Variants in CCDC137 observed in about 807,000 individuals in gnomAD.
CCDC137 encodes the protein coiled-coil domain-containing protein 137.
CCDC137 carries 24 observed loss-of-function variants against 30.4 expected under a neutral mutation model. The observed-to-expected ratio is 0.79, with a 90% CI of 0.57 to 1.11. The LOEUF is 1.11. CCDC137 is among the 50% of genes least tolerant of loss of function. The pLI is 0.00. For synonymous variants in CCDC137, 182 were observed against 155.7 expected (o/e 1.17, Z -1.26); for missense variants, 417 against 380.4 (o/e 1.10, Z -0.80).
Position 81,671,726 on chromosome 17 carries a change from A to C in CCDC137, c.498-18A>C. On this transcript the variant is annotated intron_variant, in intron 3 of 5. Coordinates refer to ENST00000329214, the MANE Select transcript of CCDC137 (RefSeq NM_199287.3). ...AAGAGAATTTAGGAATCTGAGTGAC[A>C]TGTGCTTTCTTCCCCAGGTTCCAGA... 6.2e-7 allele frequency: 1 copy of C among 1,611,886 alleles called. No individual in the cohort carries two copies. The highest frequency in any genetic ancestry group is 8.5e-7 in the Non-Finnish European group (1 of 1,179,166).
intron 5 of CCDC137, 39 bp downstream of exon 5, chr17:81,672,194 G>C: frequency 1.3e-6 from 2 of 1,594,092 alleles, no homozygotes; most frequent in Non-Finnish European, 1.7e-6. Context: ...TTGTCCCCCA[G>C]TGCTGCCAGG....
intron 1 of CCDC137, 185 bp downstream of exon 1, chr17:81,667,085 G>A: frequency 1.7e-6 from 1 of 577,446 alleles, no homozygotes; most frequent in Non-Finnish European, 2.6e-6. Context: ...GGAGGCGCGA[G>A]CGAGTCCTTG....
intron 1 of CCDC137, 98 bp from the exon 2 acceptor site, chr17:81,667,631 C>T (rs1020439369): frequency 2.0e-5 from 29 of 1,442,674 alleles, no homozygotes; most frequent in Admixed American, 5.8e-5. Context: ...CCGGCCAGCC[C>T]GTGTAGATTC....
In CCDC137 at chr17:81,672,788, T is replaced by C. The variant is rs2036737908; in HGVS notation, c.*84T>C. 3 of 1,315,038 alleles carry C rather than the reference T, an allele frequency of 2.3e-6. No individual in the cohort carries two copies. The highest frequency in any genetic ancestry group is 3.1e-6 in the Non-Finnish European group (3 of 971,286). The allele number at this position is 1,315,038 out of a possible 1,614,324, so 81.5% of individuals were successfully genotyped here. ...ACCTGGGTAGGAGAGAGGCAGGCCA[T>C]GCCAGCAGTGTGGGGTGAGGCCTCC... On this transcript the variant is annotated 3_prime_UTR_variant, in exon 6 of 6. Coordinates refer to ENST00000329214, the MANE Select transcript of CCDC137 (RefSeq NM_199287.3).
Position 81,672,107 on chromosome 17 carries a change from G to T in CCDC137, c.612G>T (p.Gln204His), listed in dbSNP as rs2036725971. 6.2e-7 allele frequency: 1 copy of T among 1,614,114 alleles called. No individual in the cohort carries two copies. The highest frequency in any genetic ancestry group is 2.2e-5 in the East Asian group (1 of 44,878). The change falls in exon 5 of 6, where the codon CAG becomes CAT. Residue 204 changes from glutamine to histidine, a missense_variant. Transcript: ENST00000329214. ...TGAAGTTTGGTGAGGTTGTCCTGCA[G>T]CCCCCAGAGCTGACTGCCAGGCCCC... ...DTVKFGEVVL[Q>H]PPELTARPQR...
chr17:81,671,321 C>G (rs1294739241), intron 3 of CCDC137, among the ~76,000 whole-genome samples: 2 of 152,130 alleles, frequency 1.3e-5, no homozygotes, highest in African/African-American at 4.8e-5. Flanking sequence ...GTGAAGCTTC[C>G]AGATTCACAT....
At position 81,673,523 on chromosome 17, in the gene CCDC137, G is replaced by C. The variant is rs2036747841; in HGVS notation, c.*819G>C. ...GTCTTGGGCTCAAGGTCACAGAGTG[G>C]GGCCCAGGGGGAGTTCCTGCTGAGG... On this transcript the variant is annotated 3_prime_UTR_variant, in exon 6 of 6. Transcript: ENST00000329214. 6.6e-6 allele frequency: 1 copy of C among 152,294 alleles called. No homozygotes were observed. The highest frequency in any genetic ancestry group is 6.5e-5 in the Admixed American group (1 of 15,290). The allele number at this position is 152,294 out of a possible 1,614,324, so 9.4% of individuals were successfully genotyped here. A position where few individuals can be genotyped will look rare whatever the true frequency, so the allele number is the denominator to read the frequency against.
At chr17:81,667,291 C>T (rs964559239) in intron 1 of CCDC137, among the ~76,000 whole-genome samples, 3 of 151,746 alleles carry the variant, frequency 2.0e-5, no homozygotes, top group African/African-American at 4.8e-5. Flanking sequence ...ACCACAGAAG[C>T]CAGATGTGGC....
At chr17:81,667,604 G>C in intron 1 of CCDC137, 125 bp from the exon 2 acceptor site, 1 of 1,078,600 alleles carries the variant, frequency 9.3e-7, no homozygotes, top group Non-Finnish European at 1.3e-6. Flanking sequence ...AGGGATTACA[G>C]GCGTGAGCCA....
chr17:81,667,115 C>A, intron 1 of CCDC137: 2 of 451,118 alleles, frequency 4.4e-6, no homozygotes, highest in Non-Finnish European at 7.2e-6. Context: ...TTCCCGCGTC[C>A]CAGTGTCCCG....
chr17:81,672,072 C>G lies in CCDC137; in HGVS notation c.581-4C>G. On this transcript the variant is annotated splice_region_variant and splice_polypyrimidine_tract_variant and intron_variant, in intron 4 of 5. Coordinates refer to ENST00000329214, the MANE Select transcript of CCDC137 (RefSeq NM_199287.3). The stretch of plus-strand genomic sequence containing the variant: ...CAGTCCTCAGTTGTATTCTGCTCCT[C>G]CAGACACGGTGAAGTTTGGTGAGGT... The G allele has an allele frequency of 1.2e-6, 2 of 1,614,042 alleles. No homozygotes were observed. Among genetic ancestry groups the G allele is most frequent in the Non-Finnish European group, 1.7e-6 (2 of 1,179,978 alleles).
At chr17:81,669,916 A>G (rs2036697784) in intron 2 of CCDC137, 3 of 336,940 alleles carry the variant, frequency 8.9e-6, no homozygotes, top group East Asian at 6.5e-5. Flanking sequence ...CAGCTGTGCA[A>G]TGGAGTCTGT....
chr17:81,667,966 A>G, intron 2 of CCDC137, 104 bp downstream of exon 2: 1 of 1,386,832 alleles, frequency 7.2e-7, no homozygotes. Context: ...ATATGCCAAG[A>G]CCCGGTGCTC....
chr17:81,667,632 G>T lies in CCDC137; in HGVS notation c.135-97G>T, dbSNP rs1486772798. The stretch of plus-strand genomic sequence containing the variant: ...GTGAGCCACCAAGCCCGGCCAGCCC[G>T]TGTAGATTCTATTGCCAGACCCAAC... On this transcript the variant is annotated intron_variant, in intron 1 of 5. Coordinates refer to ENST00000329214, the MANE Select transcript of CCDC137 (RefSeq NM_199287.3). 5 of 1,457,650 alleles carry T rather than the reference G, an allele frequency of 3.4e-6. 1 individual carries two copies. The Admixed American group carries it at 5.7e-5, about 17-fold the overall frequency. 90.3% of individuals were successfully genotyped at this position (1,457,650 alleles called of 1,614,324 possible).
intron 2 of CCDC137, among the ~76,000 whole-genome samples, chr17:81,668,848 C>T (rs904705703): frequency 2.0e-5 from 3 of 150,724 alleles, no homozygotes; most frequent in South Asian, 4.2e-4. Context: ...TTACAGGTAA[C>T]GCACCACCAT....
intron 3 of CCDC137, among the ~76,000 whole-genome samples, chr17:81,671,117 C>T (rs1386803890): frequency 6.8e-6 from 1 of 147,232 alleles, no homozygotes; most frequent in African/African-American, 2.5e-5. Context: ...GGTGACAGAG[C>T]GAGACTCCAT....
Position 81,672,152 on chromosome 17 carries a change from C to A in CCDC137, c.657C>A (p.Asp219Glu). The change falls in exon 5 of 6, where the codon GAC becomes GAA. Residue 219 changes from aspartate to glutamate, a missense_variant. Transcript: ENST00000329214. Reference protein sequence around the residue: ...TARPQRSVSKDQPGRRSQMLR... With the variant: ...TARPQRSVSKEQPGRRSQMLR... ...GGCCCCAGAGGAGCGTAAGCAAGGA[C>A]CAGGTAAGTGGGGCACGGGGACAAC... The A allele has an allele frequency of 6.2e-7, 1 of 1,613,894 alleles. No individual in the cohort carries two copies. The highest frequency in any genetic ancestry group is 8.5e-7 in the Non-Finnish European group (1 of 1,179,866).
chr17:81,671,697 T>G (rs1456485692), intron 3 of CCDC137, 47 bp from the exon 4 acceptor site: 1 of 1,596,658 alleles, frequency 6.3e-7, no homozygotes, highest in Non-Finnish European at 8.6e-7. Flanking sequence ...CCTCCCTGGG[T>G]GGAAAGAGAA....
chr17:81,670,239 A>G lies in CCDC137; in HGVS notation c.283A>G (p.Arg95Gly), dbSNP rs758269158. The G allele has an allele frequency of 6.2e-7, 1 of 1,613,868 alleles. No homozygotes were observed. The highest frequency in any genetic ancestry group is 1.1e-5 in the South Asian group (1 of 91,062). The change falls in exon 3 of 6, where the codon AGA becomes GGA. Residue 95 changes from arginine (R) to glycine (G), a missense_variant. Arg to Gly is a moderately radical substitution (Grantham distance 125, BLOSUM62 -2). Transcript: ENST00000329214. ...TTTGTCCTCAGCCCAGGTGACCTTC[A>G]GAAAGACATTGGAGAAGGAAGCAAA... is the stretch of plus-strand genomic sequence containing the variant. ...KRKKAAQVTF[R>G]KTLEKEAKGE...
Sources: allele counts gnomAD v4.1 joint callset (sites outside exome capture counted in the v4.1 genomes callset), GRCh38; gene constraint gnomAD v4.1.1; transcripts MANE v1.5; gene names NCBI Gene and HGNC (gene_info 2026-07-23, HGNC 2026-07-21).